Variants in PPM1B observed in about 807,000 individuals in gnomAD.
PPM1B encodes protein phosphatase, Mg2+/Mn2+ dependent 1B.
PPM1B carries 22 observed loss-of-function variants against 43.0 expected under a neutral mutation model. The ratio of observed to expected loss-of-function variants is 0.51; its 90% CI spans 0.37 to 0.73. The LOEUF (loss-of-function observed/expected upper bound fraction) is 0.73, where lower values mean the gene tolerates loss of function less well. Ranked by LOEUF, PPM1B falls within the 30% of genes least tolerant of loss-of-function variation. The pLI is 0.00. For missense variants in PPM1B, 632 were observed against 584.2 expected (o/e 1.08, Z -0.84); for synonymous variants, 217 against 197.9 (o/e 1.10, Z -0.81).
intron 3 of PPM1B, among the ~76,000 whole-genome samples, chr2:44,217,340 A>C (rs1201237722): frequency 6.6e-6 from 1 of 151,742 alleles, no homozygotes; most frequent in Non-Finnish European, 1.5e-5. Flanking sequence ...CAGAGGTTGC[A>C]GTGAGCCAAG....
intron 1 of PPM1B, among the ~76,000 whole-genome samples, chr2:44,178,800 T>C (rs1239771517): frequency 1.3e-5 from 2 of 152,152 alleles, no homozygotes; most frequent in African/African-American, 4.8e-5. Context: ...TTTAGTGCTG[T>C]CCTATATAAA....
chr2:44,204,932 G>C (rs1389614580), intron 2 of PPM1B, among the ~76,000 whole-genome samples: 2 of 145,614 alleles, frequency 1.4e-5, no homozygotes, highest in Admixed American at 6.9e-5. Flanking sequence ...TGTAAGTGTT[G>C]TATGACTGTG....
At chr2:44,234,267 T>G, downstream of PPM1B, 1 of 950,868 alleles carries the variant, frequency 1.1e-6, no homozygotes, top group Non-Finnish European at 1.3e-6. Context: ...ACACCTGTAA[T>G]CCCAGCACTT....
intron 5 of PPM1B, among the ~76,000 whole-genome samples, chr2:44,220,587 T>TA (rs1558424886): frequency 1.3e-5 from 2 of 152,210 alleles, no homozygotes; most frequent in Non-Finnish European, 2.9e-5. Context: ...TGTTGTATAG[T>TA]GGATTCACAG....
At chr2:44,210,925 C>T (rs574858782) in intron 3 of PPM1B, among the ~76,000 whole-genome samples, 1 of 152,202 alleles carries the variant, frequency 6.6e-6, no homozygotes, top group East Asian at 1.9e-4. Flanking sequence ...CTCACGAGGT[C>T]AAGAGTTGGA....
At chr2:44,197,894 T>C (rs955030736) in intron 1 of PPM1B, among the ~76,000 whole-genome samples, 2 of 152,152 alleles carry the variant, frequency 1.3e-5, no homozygotes, top group Non-Finnish European at 2.9e-5. Flanking sequence ...AAATGAGGCA[T>C]TGTTATCGCT....
downstream of PPM1B, chr2:44,234,361 A>G (rs146522385): frequency 2.8e-5 from 15 of 536,200 alleles, no homozygotes; most frequent in Non-Finnish European, 3.6e-5. Context: ...TCTACTAAAA[A>G]TACAAAGATT....
At chr2:44,175,427 C>A (rs1303500926) in intron 1 of PPM1B, among the ~76,000 whole-genome samples, 1 of 152,184 alleles carries the variant, frequency 6.6e-6, no homozygotes, top group East Asian at 1.9e-4. Context: ...TAGTCTGTAA[C>A]CCTCCAGCCA....
At chr2:44,208,301 C>T (rs951152953) in intron 2 of PPM1B, among the ~76,000 whole-genome samples, 5 of 152,200 alleles carry the variant, frequency 3.3e-5, no homozygotes, top group African/African-American at 9.6e-5. Flanking sequence ...AAACTACTTG[C>T]GACTATATAG....
At chr2:44,204,712 G>A (rs1669086434) in intron 2 of PPM1B, among the ~76,000 whole-genome samples, 1 of 151,546 alleles carries the variant, frequency 6.6e-6, no homozygotes, top group African/African-American at 2.4e-5. Context: ...AGAAAAAATC[G>A]GCCGGGCGTT....
chr2:44,175,142 T>C (rs1161557022), intron 1 of PPM1B, among the ~76,000 whole-genome samples: 1 of 152,104 alleles, frequency 6.6e-6, no homozygotes. Flanking sequence ...TAATCCTAGC[T>C]ACTCAGGAGG....
At chr2:44,208,341 T>C (rs1669291449) in intron 2 of PPM1B, among the ~76,000 whole-genome samples, 1 of 152,262 alleles carries the variant, frequency 6.6e-6, no homozygotes, top group African/African-American at 2.4e-5. Flanking sequence ...TTAAAAGTTA[T>C]CACATGACTA....
chr2:44,239,340 A>T (rs1464649063), downstream of PPM1B, among the ~76,000 whole-genome samples: 1 of 151,806 alleles, frequency 6.6e-6, no homozygotes, highest in Non-Finnish European at 1.5e-5. Flanking sequence ...CCATTTTTCC[A>T]TTGGGTTTGT....
chr2:44,245,271 C>G (rs1670835223), downstream of PPM1B, among the ~76,000 whole-genome samples: 1 of 151,956 alleles, frequency 6.6e-6, no homozygotes, highest in East Asian at 1.9e-4. Flanking sequence ...TATAGCTGGG[C>G]AGATCTCTAA....
chr2:44,234,540 A>G, downstream of PPM1B: 1 of 985,524 alleles, frequency 1.0e-6, no homozygotes, highest in Non-Finnish European at 1.2e-6. Flanking sequence ...AAAGAAAAAA[A>G]AAAACTTTTC....
intron 1 of PPM1B, among the ~76,000 whole-genome samples, chr2:44,199,477 C>G (rs537815354): frequency 1.3e-5 from 2 of 152,052 alleles, no homozygotes; most frequent in East Asian, 3.9e-4. Flanking sequence ...TCCCCTCACC[C>G]CCCAAAAAAG....
At chr2:44,242,776 T>C (rs1487376861) in intron 5 of PPM1B, among the ~76,000 whole-genome samples, 1 of 119,594 alleles carries the variant, frequency 8.4e-6, no homozygotes, top group Non-Finnish European at 1.6e-5. Context: ...CAGCATTTTT[T>C]CTTAACATTA....
At chr2:44,240,954 C>CA (rs1670730989) in intron 5 of PPM1B, among the ~76,000 whole-genome samples, 1 of 145,606 alleles carries the variant, frequency 6.9e-6, no homozygotes, top group African/African-American at 2.5e-5. Context: ...AAATTAATTC[C>CA]AAAACACTTC....
intron 1 of PPM1B, among the ~76,000 whole-genome samples, chr2:44,195,956 A>G (rs1260473907): frequency 6.6e-6 from 1 of 152,228 alleles, no homozygotes; most frequent in Non-Finnish European, 1.5e-5. Context: ...ATTCCTAGCC[A>G]GCATCCCTCA....
Sources: gnomAD v4.1 joint callset for allele counts (sites outside exome capture counted in the v4.1 genomes callset) on GRCh38, gnomAD v4.1.1 for gene constraint, MANE v1.5 for transcripts, NCBI Gene and HGNC (gene_info 2026-07-23, HGNC 2026-07-21) for gene names.